Variants in MAPK10 observed in about 807,000 individuals in gnomAD.
MAPK10 encodes JNK3 alpha protein kinase.
In MAPK10, 25 loss-of-function variants were observed where a neutral mutation model predicts 59.3. The observed-to-expected ratio is 0.42, with a 90% CI of 0.31 to 0.59. The LOEUF (loss-of-function observed/expected upper bound fraction) is 0.59. Among genes scored for constraint, MAPK10 ranks in the 20% least tolerant of loss-of-function variants. The pLI is 0.15. For missense variants in MAPK10, 351 were observed against 568.9 expected (o/e 0.62, Z 3.90); for synonymous variants, 190 against 200.5 (o/e 0.95, Z 0.44).
chr4:86,353,593 T>C (rs1732815331), intron 2 of MAPK10, among the ~76,000 whole-genome samples: 1 of 152,164 alleles, frequency 6.6e-6, no homozygotes, highest in African/African-American at 2.4e-5. Flanking sequence ...TAATGGTAGA[T>C]GGATTGTTTT....
intron 4 of MAPK10, among the ~76,000 whole-genome samples, chr4:86,132,839 G>A (rs2061260997): frequency 6.6e-6 from 1 of 152,162 alleles, no homozygotes; most frequent in Admixed American, 6.5e-5. Flanking sequence ...GGACCATCTA[G>A]CTGCAGGAAA....
intron 4 of MAPK10, chr4:86,123,791 A>T (rs184171847): frequency 2.4e-4 from 37 of 152,210 alleles, no homozygotes; most frequent in African/African-American, 8.7e-4. Context: ...GACAGAAAGC[A>T]TGCTGTTCAT....
At chr4:86,144,547 ACTTT>A (rs2064404828) in intron 4 of MAPK10, among the ~76,000 whole-genome samples, 1 of 152,142 alleles carries the variant, frequency 6.6e-6, no homozygotes, top group Non-Finnish European at 1.5e-5. Flanking sequence ...TAAAATAGGG[ACTTT>A]CTCTTTCTCC....
chr4:86,017,404 A>C lies in MAPK10; in HGVS notation c.1253-34T>G, dbSNP rs369370423. 2 of 1,612,316 alleles carry C rather than the reference A, an allele frequency of 1.2e-6. No homozygotes were observed. The highest frequency in any genetic ancestry group is 1.7e-6 in the Non-Finnish European group (2 of 1,178,958). On this transcript the variant is annotated intron_variant, in intron 13 of 13. Coordinates refer to ENST00000641462, the MANE Select transcript of MAPK10 (RefSeq NM_138982.4). This position sits in a 1 kb window ranked among gnomAD's most constrained non-coding sequence, Gnocchi z 4.4. ...AGAAAATGAAGACCAACATGACTCA[A>C]TCTAGAACCAGACCCATCTTAATGC...
intron 2 of MAPK10, among the ~76,000 whole-genome samples, chr4:86,306,958 C>A (rs2095579447): frequency 6.6e-6 from 1 of 152,112 alleles, no homozygotes; most frequent in Non-Finnish European, 1.5e-5. Context: ...AGCTTAGAGT[C>A]TATAATTCAA....
intron 3 of MAPK10, chr4:86,164,707 T>C (rs570035060): frequency 6.6e-6 from 1 of 152,288 alleles, no homozygotes; most frequent in South Asian, 2.1e-4. Flanking sequence ...GCTTACCTAC[T>C]ATAGACATAC....
intron 2 of MAPK10, among the ~76,000 whole-genome samples, chr4:86,331,089 A>G (rs2148913902): frequency 6.6e-6 from 1 of 152,306 alleles, no homozygotes; most frequent in South Asian, 2.1e-4. Flanking sequence ...GTTGGGATAA[A>G]CTTAGCTAGA....
At chr4:86,461,312 C>G (rs1413000360) in intron 1 of MAPK10, among the ~76,000 whole-genome samples, 1 of 152,102 alleles carries the variant, frequency 6.6e-6, no homozygotes, top group Non-Finnish European at 1.5e-5. Context: ...GGCGGGACAA[C>G]TTGAAGTGGA....
chr4:86,348,408 T>A (rs1275091281), intron 2 of MAPK10, among the ~76,000 whole-genome samples: 1 of 152,206 alleles, frequency 6.6e-6, no homozygotes, highest in African/African-American at 2.4e-5. Flanking sequence ...GTGCTTGGCA[T>A]GAAGTAGGCA....
At chr4:86,249,510 C>A (rs2093306778) in intron 2 of MAPK10, among the ~76,000 whole-genome samples, 1 of 152,160 alleles carries the variant, frequency 6.6e-6, no homozygotes, top group African/African-American at 2.4e-5. Flanking sequence ...AACTATGTCA[C>A]CCCTTTTGTC....
intron 2 of MAPK10, among the ~76,000 whole-genome samples, chr4:86,241,179 C>G (rs1236394524): frequency 6.6e-6 from 1 of 152,164 alleles, no homozygotes; most frequent in Non-Finnish European, 1.5e-5. Context: ...TATCTTCTGG[C>G]TTGTAGAGTT....
chr4:86,328,539 G>T (rs1433236690), intron 2 of MAPK10, among the ~76,000 whole-genome samples: 2 of 152,114 alleles, frequency 1.3e-5, no homozygotes, highest in Non-Finnish European at 2.9e-5. Context: ...CTACTATAAA[G>T]ACACATGCAC....
At chr4:86,089,970 C>G (rs891346303) in intron 9 of MAPK10, among the ~76,000 whole-genome samples, 3 of 152,076 alleles carry the variant, frequency 2.0e-5, no homozygotes, top group Non-Finnish European at 2.9e-5. Flanking sequence ...GACTAAAGAG[C>G]TGATACTTCT....
At chr4:86,384,211 AG>A (rs1741153491) in intron 1 of MAPK10, 1 of 152,202 alleles carries the variant, frequency 6.6e-6, no homozygotes, top group Non-Finnish European at 1.5e-5. Flanking sequence ...TCTGTGTGCC[AG>A]GTGCTACACC....
chr4:86,214,939 G>A (rs572718404), intron 2 of MAPK10, among the ~76,000 whole-genome samples: 1 of 152,118 alleles, frequency 6.6e-6, no homozygotes, highest in East Asian at 1.9e-4. Context: ...AAGTCTCAAG[G>A]AGACTTAAGT....
At chr4:86,424,388 C>A (rs922847332) in intron 1 of MAPK10, among the ~76,000 whole-genome samples, 4 of 152,046 alleles carry the variant, frequency 2.6e-5, no homozygotes, top group African/African-American at 7.2e-5. Context: ...CAGGGTTTTA[C>A]CACGTTGGCC....
intron 4 of MAPK10, chr4:86,107,645 C>A: frequency 9.8e-7 from 1 of 1,024,506 alleles, no homozygotes; most frequent in Non-Finnish European, 1.2e-6. Flanking sequence ...AAGAATATAG[C>A]ATATAATTGC....
chr4:86,497,831 C>T (rs1325607124), intron 1 of MAPK10, among the ~76,000 whole-genome samples: 1 of 152,184 alleles, frequency 6.6e-6, no homozygotes, highest in Non-Finnish European at 1.5e-5. Context: ...GTCCCTATGC[C>T]TAGAGCACCC....
intron 1 of MAPK10, among the ~76,000 whole-genome samples, chr4:86,537,199 T>TC (rs1164787749): frequency 1.3e-5 from 2 of 151,932 alleles, no homozygotes. Flanking sequence ...AAAGGCAGAG[T>TC]GGTGCATATG....
Sources: gnomAD v4.1 joint callset for allele counts (sites outside exome capture counted in the v4.1 genomes callset) on GRCh38, gnomAD v4.1.1 for gene constraint, Gnocchi (gnomAD v3.1) non-coding constraint, MANE v1.5 for transcripts, NCBI Gene and HGNC (gene_info 2026-07-23, HGNC 2026-07-21) for gene names.